The following NRG2 variants were observed in gnomAD, a reference collection of about 807,000 sequenced individuals.
NRG2 encodes neuregulin 2.
A neutral mutation model predicts 73.9 loss-of-function variants in NRG2; 27 were observed. The observed-to-expected ratio is 0.37, with a 90% CI of 0.27 to 0.50. The LOEUF is 0.50. Among genes scored for constraint, NRG2 ranks in the 20% least tolerant of loss-of-function variants. The probability of loss-of-function intolerance (pLI) is 0.96; values close to 1 mark genes in which losing one functional copy is unlikely to be tolerated. For missense variants in NRG2, 1,126 were observed against 1,210.1 expected (o/e 0.93, Z 1.03); for synonymous variants, 532 against 541.0 (o/e 0.98, Z 0.23).
intron 6 of NRG2, among the ~76,000 whole-genome samples, chr5:139,855,365 A>G (rs111858247): frequency 4.6e-5 from 7 of 152,274 alleles, no homozygotes; most frequent in African/African-American, 9.6e-5. Context: ...GGAACCATCA[A>G]TTTGCTCAAG....
In NRG2 at chr5:139,851,576, G is replaced by C. The variant is rs1291145318; in HGVS notation, c.1772+28C>G. ...GTGGTGCCAGCCCTCTGGCTAAGCG[G>C]GGAATAGGTCAGGGGGTAGGAACTG... is the stretch of plus-strand genomic sequence containing the variant. On this transcript the variant is annotated intron_variant, in intron 9 of 9. Transcript: ENST00000361474. This position sits in a 1 kb window ranked among gnomAD's most constrained non-coding sequence, Gnocchi z 4.2. 6.2e-7 allele frequency: 1 copy of C among 1,607,144 alleles called. No homozygotes were observed.
chr5:139,950,906 G>C (rs147332502), intron 1 of NRG2, among the ~76,000 whole-genome samples: 1 of 152,144 alleles, frequency 6.6e-6, no homozygotes, highest in African/African-American at 2.4e-5. Context: ...TAGCTGCATC[G>C]TGACTACTAG....
At chr5:139,937,134 A>G (rs1161084351) in intron 1 of NRG2, among the ~76,000 whole-genome samples, 1 of 152,190 alleles carries the variant, frequency 6.6e-6, no homozygotes, top group Non-Finnish European at 1.5e-5. Context: ...TTTGAAGGAT[A>G]ATACATTATG....
intron 5 of NRG2, among the ~76,000 whole-genome samples, chr5:139,857,146 GTTC>G (rs954600289): frequency 2.0e-5 from 3 of 152,160 alleles, no homozygotes; most frequent in Admixed American, 6.5e-5. Context: ...CTTTGGAATG[GTTC>G]TTCTCTCTGT....
At chr5:140,031,360 T>A (rs7707550) in intron 1 of NRG2, among the ~76,000 whole-genome samples, 93,527 of 152,022 alleles carry the variant, frequency 0.62, 29,755 homozygotes, top group African/African-American at 0.78. Context: ...GTAAGCAGTC[T>A]GACAGGCTGT....
chr5:139,974,705 G>A (rs114796741), intron 1 of NRG2, among the ~76,000 whole-genome samples: 2,417 of 151,944 alleles, frequency 0.016, 56 homozygotes, highest in African/African-American at 0.055. Flanking sequence ...TCTTCTCCCC[G>A]TAGATCAGAG....
At chr5:139,966,521 A>C (rs781051243) in intron 1 of NRG2, among the ~76,000 whole-genome samples, 1 of 152,186 alleles carries the variant, frequency 6.6e-6, no homozygotes, top group African/African-American at 2.4e-5. Flanking sequence ...TTCCCAGAGG[A>C]GGGACATTCT....
rs140413613 is a variant in NRG2 at position 140,037,493 on chromosome 5, C to A, written c.700+4877G>T. On this transcript the variant is annotated intron_variant, in intron 1 of 9. Coordinates refer to ENST00000361474, the MANE Select transcript of NRG2 (RefSeq NM_004883.3). ...TACTTGAGATAGAGGACTCAGAGAT[C>A]ACTGGAACTAGGTAGATAAGATCTT... is the stretch of plus-strand genomic sequence containing the variant. Among the ~76,000 whole-genome samples, 658 of 152,300 alleles carry A rather than the reference C, an allele frequency of 4.3e-3. 4 individuals are homozygous for A. The highest frequency in any genetic ancestry group is 0.015 in the African/African-American group (632 of 41,562).
intron 5 of NRG2, among the ~76,000 whole-genome samples, chr5:139,862,263 A>G (rs745734324): frequency 1.3e-5 from 2 of 152,316 alleles, no homozygotes; most frequent in South Asian, 2.1e-4. Flanking sequence ...TCTTTGAGTC[A>G]AAGGCCAGTA....
chr5:139,852,651 G>C lies in NRG2; in HGVS notation c.1417-92C>G. The C allele has an allele frequency of 6.5e-7, 1 of 1,546,134 alleles. No homozygotes were observed. The highest frequency in any genetic ancestry group is 8.8e-7 in the Non-Finnish European group (1 of 1,141,210). On this transcript the variant is annotated intron_variant, in intron 7 of 9. Coordinates refer to ENST00000361474, the MANE Select transcript of NRG2 (RefSeq NM_004883.3). The surrounding 1 kb of genome is among the most constrained non-coding windows in gnomAD (Gnocchi z 4.4). ...CAGGGAAGTGATGAGCACTGACTGA[G>C]CTCCTGGTTGGGGAGACCCACTGTG...
chr5:139,918,424 A>G (rs1165953999), intron 1 of NRG2, among the ~76,000 whole-genome samples: 2 of 152,226 alleles, frequency 1.3e-5, no homozygotes, highest in Non-Finnish European at 2.9e-5. Context: ...TGACAGCACA[A>G]TTATTACATC....
chr5:139,903,809 G>A (rs1490518295), intron 1 of NRG2, among the ~76,000 whole-genome samples: 2 of 152,258 alleles, frequency 1.3e-5, no homozygotes, highest in African/African-American at 4.8e-5. Flanking sequence ...CGGAGTTGGC[G>A]GGCGCTGTTG....
At chr5:139,857,127 C>G (rs982096815) in intron 5 of NRG2, among the ~76,000 whole-genome samples, 4 of 152,204 alleles carry the variant, frequency 2.6e-5, no homozygotes, top group Non-Finnish European at 5.9e-5. Flanking sequence ...GGGGCCCACT[C>G]CCCCTGGGCT....
chr5:139,936,746 A>G (rs1003315505), intron 1 of NRG2, among the ~76,000 whole-genome samples: 8 of 152,320 alleles, frequency 5.3e-5, no homozygotes, highest in Admixed American at 5.2e-4. Context: ...ATTCCTCATG[A>G]AAAAAATTGT....
chr5:139,875,300 C>T lies in NRG2; in HGVS notation c.992-3459G>A, dbSNP rs535847829. 3.3e-5 allele frequency among the ~76,000 whole-genome samples: 5 copies of T among 152,296 alleles called. No individual in the cohort carries two copies. In the South Asian group the frequency reaches 6.2e-4, roughly 19 times the overall value. On this transcript the variant is annotated intron_variant, in intron 3 of 9. Coordinates refer to ENST00000361474, the MANE Select transcript of NRG2 (RefSeq NM_004883.3). Reference sequence around the variant, plus strand: ...TGCTAGGATTACAGGCTTGTGCCACCGTGCCCAGCCAACTGTTTGCTGTTT... The same window carrying T: ...TGCTAGGATTACAGGCTTGTGCCACTGTGCCCAGCCAACTGTTTGCTGTTT...
intron 1 of NRG2, among the ~76,000 whole-genome samples, chr5:140,029,372 G>A (rs1044878687): frequency 6.6e-6 from 1 of 152,206 alleles, no homozygotes; most frequent in Non-Finnish European, 1.5e-5. Flanking sequence ...CAGCTAGCCT[G>A]CATTGAATGT....
chr5:139,852,145 C>G lies in NRG2; in HGVS notation c.1544+287G>C, dbSNP rs1471641695. On this transcript the variant is annotated intron_variant, in intron 8 of 9. Coordinates refer to ENST00000361474, the MANE Select transcript of NRG2 (RefSeq NM_004883.3). The surrounding 1 kb of genome is among the most constrained non-coding windows in gnomAD (Gnocchi z 4.4). ...TTCCACCACCGTGGTCCTTAGCTAC[C>G]TATCTCAGAAGCCCAGCCCCAGGGG... 1.3e-5 allele frequency among the ~76,000 whole-genome samples: 2 copies of G among 152,218 alleles called. No individual in the cohort carries two copies. Among genetic ancestry groups the G allele is most frequent in the Non-Finnish European group, 2.9e-5 (2 of 68,042 alleles).
chr5:139,993,354 C>T (rs574637237), intron 1 of NRG2, among the ~76,000 whole-genome samples: 6 of 152,290 alleles, frequency 3.9e-5, no homozygotes, highest in East Asian at 1.9e-4. Context: ...TTCCTCACTG[C>T]GTTTTAGCCA....
At chr5:140,007,592 C>A (rs886739126) in intron 1 of NRG2, among the ~76,000 whole-genome samples, 11 of 152,080 alleles carry the variant, frequency 7.2e-5, no homozygotes, top group African/African-American at 2.7e-4. Context: ...TGCATCTTCA[C>A]CTCCAGCACC....
Sources: gnomAD v4.1 joint callset for allele counts (sites outside exome capture counted in the v4.1 genomes callset) on GRCh38, gnomAD v4.1.1 for gene constraint, Gnocchi (gnomAD v3.1) non-coding constraint, MANE v1.5 for transcripts, NCBI Gene and HGNC (gene_info 2026-07-23, HGNC 2026-07-21) for gene names.